Variants in AAR2 observed in about 807,000 individuals in gnomAD.
AAR2 encodes AAR2 splicing factor.
In AAR2, 31 loss-of-function variants were observed where a neutral mutation model predicts 26.9. The ratio of observed to expected loss-of-function variants is 1.15; its 90% CI spans 0.86 to 1.55. The LOEUF is 1.55. Among genes scored for constraint, AAR2 ranks in the 40% most tolerant of loss-of-function variants. AAR2 has a pLI of 0.00. For missense variants in AAR2, 430 were observed against 491.3 expected (o/e 0.88, Z 1.18); for synonymous variants, 188 against 196.1 (o/e 0.96, Z 0.34).
At position 36,238,029 on chromosome 20, in the gene AAR2, C is replaced by A. The variant is rs944709169; in HGVS notation, c.-49+1526C>A. 2.0e-4 allele frequency among the ~76,000 whole-genome samples: 31 copies of A among 152,122 alleles called. 1 individual carries two copies. The highest frequency in any genetic ancestry group is 7.5e-4 in the African/African-American group (31 of 41,512). The stretch of plus-strand genomic sequence containing the variant: ...TCAAACTCCTGACCTCATTATCCAT[C>A]CGCCTCGGCCTCCCAAAGTGCTGTG... On this transcript the variant is annotated intron_variant, in intron 1 of 3. Transcript: ENST00000320849.
chr20:36,243,054 T>C (rs1050164650), intron 2 of AAR2, among the ~76,000 whole-genome samples: 2 of 152,104 alleles, frequency 1.3e-5, no homozygotes, highest in African/African-American at 4.8e-5. Flanking sequence ...GGTCTCCCTG[T>C]GTTGCCCAAG....
intron 1 of AAR2, among the ~76,000 whole-genome samples, chr20:36,238,574 G>A (rs575720317): frequency 1.2e-4 from 19 of 152,062 alleles, no homozygotes; most frequent in Non-Finnish European, 1.8e-4. Flanking sequence ...TAGGCCACAT[G>A]GTGAGACCCT....
chr20:36,255,443 G>A, intron 3 of AAR2, 135 bp from the exon 4 acceptor site: 2 of 972,152 alleles, frequency 2.1e-6, no homozygotes, highest in African/African-American at 3.2e-5. Flanking sequence ...GAGCATAGCA[G>A]GTGTCCTGGG....
Position 36,240,120 on chromosome 20 carries a change from G to C in AAR2, c.252G>C (p.Arg84=), listed in dbSNP as rs2064661216. The change falls in exon 2 of 4, where the codon CGG becomes CGC. Residue 84 remains arginine, a synonymous_variant. Coordinates refer to ENST00000320849, the MANE Select transcript of AAR2 (RefSeq NM_001271874.2). ...GTTTCTTCCTTAGCCTGCACCAGCG[G>C]GGGCTGACAGTGCTGCGCTGGAGCA... ...RMGFFLSLHQ[R]GLTVLRWSTL... 7 of 1,614,216 alleles carry C rather than the reference G, an allele frequency of 4.3e-6. No individual in the cohort carries two copies. The East Asian group carries it at 1.6e-4, about 36-fold the overall frequency.
chr20:36,255,944 A>G lies in AAR2; in HGVS notation c.*199A>G. On this transcript the variant is annotated 3_prime_UTR_variant, in exon 4 of 4. Coordinates refer to ENST00000320849, the MANE Select transcript of AAR2 (RefSeq NM_001271874.2). ...GAGGCTGTACCCATCCTGAAGGCAC[A>G]TTTGTGGGTTCCCCATCAGCCAGGC... The G allele has an allele frequency of 1.4e-6, 1 of 726,004 alleles. No homozygotes were observed. The highest frequency in any genetic ancestry group is 2.2e-6 in the Non-Finnish European group (1 of 465,114). The allele number at this position is 726,004 out of a possible 1,614,324, so 45.0% of individuals were successfully genotyped here.
At chr20:36,248,857 C>A (rs1044780297) in intron 3 of AAR2, among the ~76,000 whole-genome samples, 1 of 149,912 alleles carries the variant, frequency 6.7e-6, no homozygotes, top group Non-Finnish European at 1.5e-5. Flanking sequence ...TCAAAAGGCA[C>A]AATGTGGAGA....
At chr20:36,255,449 C>G (rs1015957064) in intron 3 of AAR2, 129 bp from the exon 4 acceptor site, 19 of 1,079,678 alleles carry the variant, frequency 1.8e-5, no homozygotes, top group Non-Finnish European at 2.5e-5. Context: ...AGCAGGTGTC[C>G]TGGGCCTATG....
chr20:36,238,064 G>A (rs564766503), intron 1 of AAR2, among the ~76,000 whole-genome samples: 11 of 152,084 alleles, frequency 7.2e-5, no homozygotes, highest in African/African-American at 1.9e-4. Flanking sequence ...GATTACAGGC[G>A]TGAGCCACCA....
intron 2 of AAR2, 47 bp downstream of exon 2, chr20:36,240,672 TAGC>T: frequency 1.9e-6 from 3 of 1,576,732 alleles, no homozygotes; most frequent in Non-Finnish European, 2.6e-6. Context: ...GGGAGGATAT[TAGC>T]AGAGGTGTTT....
chr20:36,244,919 C>G lies in AAR2; in HGVS notation c.980C>G (p.Thr327Ser). 1.2e-6 allele frequency: 2 copies of G among 1,612,640 alleles called. No individual in the cohort carries two copies. The highest frequency in any genetic ancestry group is 1.7e-6 in the Non-Finnish European group (2 of 1,178,644). Residue 327 changes from threonine (T) to serine (S), a missense_variant, in exon 3 of 4, where the codon ACC (threonine) becomes AGC (serine). Thr to Ser is a moderately conservative substitution (Grantham distance 58). Transcript: ENST00000320849. Reference protein sequence around the residue: ...IVSQDNFLTSTLQVFFSSACS... With the variant: ...IVSQDNFLTSSLQVFFSSACS... Reference sequence around the variant, plus strand: ...TCCCAAGACAACTTCCTCACCAGCACCTTACAGGTGAGCAGTCTTTCTGAC... The same window carrying G: ...TCCCAAGACAACTTCCTCACCAGCAGCTTACAGGTGAGCAGTCTTTCTGAC...
intron 3 of AAR2, among the ~76,000 whole-genome samples, chr20:36,252,934 G>A (rs1601186555): frequency 6.8e-6 from 1 of 146,652 alleles, no homozygotes; most frequent in Non-Finnish European, 1.5e-5. Context: ...GCCAACCCTT[G>A]GCTTCCCCAT....
At chr20:36,242,025 G>A (rs1331593679) in intron 2 of AAR2, among the ~76,000 whole-genome samples, 1 of 151,644 alleles carries the variant, frequency 6.6e-6, no homozygotes, top group Non-Finnish European at 1.5e-5. Flanking sequence ...TTAAATACTA[G>A]TGACAGCAAA....
chr20:36,255,735 A>T lies in AAR2; in HGVS notation c.1145A>T (p.Glu382Val). 2 of 1,614,084 alleles carry T rather than the reference A, an allele frequency of 1.2e-6. No homozygotes were observed. The highest frequency in any genetic ancestry group is 8.5e-7 in the Non-Finnish European group (1 of 1,180,018). The change falls in exon 4 of 4, where the codon GAG becomes GTG. Residue 382 changes from glutamate (E) to valine (V), a missense_variant. Glu to Val is a moderately radical substitution (Grantham distance 121). Transcript: ENST00000320849. ...PVVVELPEGI[E>V]MG ...GTGGTGGAGCTCCCTGAGGGCATCG[A>T]GATGGGCTAACTCGGGGAGCGCTCT... is the stretch of plus-strand genomic sequence containing the variant.
At chr20:36,241,079 T>A (rs544708056) in intron 2 of AAR2, among the ~76,000 whole-genome samples, 3 of 152,278 alleles carry the variant, frequency 2.0e-5, no homozygotes, top group African/African-American at 7.2e-5. Context: ...ATTTTTTTTT[T>A]AATCATTACA....
Position 36,240,194 on chromosome 20 carries a change from A to T in AAR2, c.326A>T (p.Glu109Val). 1 of 1,614,184 alleles carries T rather than the reference A, an allele frequency of 6.2e-7. No homozygotes were observed. Among genetic ancestry groups the T allele is most frequent in the South Asian group, 1.1e-5 (1 of 91,082 alleles). Residue 109 changes from glutamate (E) to valine (V), a missense_variant, in exon 2 of 4, where the codon GAG becomes GTG. Physicochemically the swap from Glu to Val is moderately radical, Grantham distance 121. Transcript: ENST00000320849. ...TCCCCAGCCCCAGAGTCTGAGGTGGAGGCCATGAGGGCCAACCTCCAGGAG... is the reference window on the plus strand; with the variant it reads ...TCCCCAGCCCCAGAGTCTGAGGTGGTGGCCATGAGGGCCAACCTCCAGGAG... Reference protein sequence around the residue: ...DLSPAPESEVEAMRANLQELD... With the variant: ...DLSPAPESEVVAMRANLQELD...
intron 3 of AAR2, among the ~76,000 whole-genome samples, chr20:36,246,183 G>C (rs945773633): frequency 3.3e-5 from 5 of 152,192 alleles, no homozygotes; most frequent in African/African-American, 1.2e-4. Context: ...TCCTGCCTGT[G>C]CTTATGCCCT....
At chr20:36,244,603 G>T (rs2064715124) in intron 2 of AAR2, 94 bp from the exon 3 acceptor site, 2 of 1,217,286 alleles carry the variant, frequency 1.6e-6, no homozygotes, top group Non-Finnish European at 2.4e-6. Context: ...TGTTGCTGAG[G>T]TCCAGTGGAA....
At chr20:36,248,335 TTC>T (rs2064754045) in intron 3 of AAR2, among the ~76,000 whole-genome samples, 1 of 150,606 alleles carries the variant, frequency 6.6e-6, no homozygotes, top group Admixed American at 6.6e-5. Flanking sequence ...CTTCTTCTTC[TTC>T]TTTTTTTTTT....
chr20:36,255,753 A>G lies in AAR2; in HGVS notation c.*8A>G. 1 of 1,613,666 alleles carries G rather than the reference A, an allele frequency of 6.2e-7. No individual in the cohort carries two copies. Among genetic ancestry groups the G allele is most frequent in the South Asian group, 1.1e-5 (1 of 91,044 alleles). Reference sequence around the variant, plus strand: ...GGCATCGAGATGGGCTAACTCGGGGAGCGCTCTCAGCTGCGAGGGGCCCCT... The same window carrying G: ...GGCATCGAGATGGGCTAACTCGGGGGGCGCTCTCAGCTGCGAGGGGCCCCT... On this transcript the variant is annotated 3_prime_UTR_variant, in exon 4 of 4. Coordinates refer to ENST00000320849, the MANE Select transcript of AAR2 (RefSeq NM_001271874.2).
Sources: gnomAD v4.1 joint callset for allele counts (sites outside exome capture counted in the v4.1 genomes callset) on GRCh38, gnomAD v4.1.1 for gene constraint, MANE v1.5 for transcripts, NCBI Gene and HGNC (gene_info 2026-07-23, HGNC 2026-07-21) for gene names.